The following POU2F1 variants were observed in gnomAD, a reference collection of about 807,000 sequenced individuals.
POU2F1 encodes the protein POU class 2 homeobox 1.
A neutral mutation model predicts 84.9 loss-of-function variants in POU2F1; 16 were observed. The ratio of observed to expected loss-of-function variants is 0.19; its 90% CI spans 0.13 to 0.29. POU2F1 has a LOEUF of 0.29. POU2F1 is among the 10% of genes least tolerant of loss of function. POU2F1 has a pLI of 1.00. For synonymous variants in POU2F1, 368 were observed against 368.3 expected, an observed-to-expected ratio of 1.00 and a Z score of 0.01; for missense variants, 738 against 942.6, an observed-to-expected ratio of 0.78 and a Z score of 2.84.
intron 1 of POU2F1, among the ~76,000 whole-genome samples, chr1:167,254,242 G>C (rs1037600558): frequency 1.3e-5 from 2 of 152,080 alleles, no homozygotes; most frequent in African/African-American, 4.8e-5. Context: ...GGTTATGATG[G>C]AATACATATA....
At position 167,418,520 on chromosome 1, in the gene POU2F1, G is replaced by A. The variant is rs916124654; in HGVS notation, c.*2710G>A. 1.3e-4 allele frequency: 20 copies of A among 152,160 alleles called. No individual in the cohort carries two copies. The highest frequency in any genetic ancestry group is 4.8e-4 in the African/African-American group (20 of 41,428). 9.4% of individuals were successfully genotyped at this position (152,160 alleles called of 1,614,324 possible). A position where few individuals can be genotyped will look rare whatever the true frequency, so the allele number is the denominator to read the frequency against. ...AACTTAGAAGGAAGGATTCAGGGAG[G>A]GAAATGCTGGTACCCAGTATACTGG... On this transcript the variant is annotated 3_prime_UTR_variant, in exon 16 of 16. Transcript: ENST00000367866.
At chr1:167,336,854 C>A (rs1264781087) in intron 2 of POU2F1, among the ~76,000 whole-genome samples, 1 of 151,900 alleles carries the variant, frequency 6.6e-6, no homozygotes, top group African/African-American at 2.4e-5. Flanking sequence ...CATGGTGAAA[C>A]CCTGCCTCTA....
intron 13 of POU2F1, among the ~76,000 whole-genome samples, chr1:167,410,694 T>G (rs937692889): frequency 2.6e-5 from 4 of 151,948 alleles, no homozygotes. Flanking sequence ...TTTTGTATTT[T>G]TAATAGAGAC....
chr1:167,325,119 G>A (rs1656606390), intron 1 of POU2F1, among the ~76,000 whole-genome samples: 1 of 152,170 alleles, frequency 6.6e-6, no homozygotes, highest in Non-Finnish European at 1.5e-5. Flanking sequence ...TATTGATAAT[G>A]CTTGAGGTAC....
chr1:167,301,177 T>TTCTC (rs35418115), intron 1 of POU2F1, among the ~76,000 whole-genome samples: 1 of 150,348 alleles, frequency 6.7e-6, no homozygotes, highest in Non-Finnish European at 1.5e-5. Context: ...TTTATATTGG[T>TTCTC]TCTCTCTCTC....
At chr1:167,402,993 A>G (rs981693185) in intron 13 of POU2F1, among the ~76,000 whole-genome samples, 1 of 152,222 alleles carries the variant, frequency 6.6e-6, no homozygotes, top group Non-Finnish European at 1.5e-5. Context: ...TTCTTAAAAT[A>G]TGGGGAAAAT....
chr1:167,229,176 A>AT (rs1648870201), intron 1 of POU2F1, among the ~76,000 whole-genome samples: 79 of 150,330 alleles, frequency 5.3e-4, no homozygotes, highest in South Asian at 3.4e-3. Context: ...TTTTTTTTTA[A>AT]TTTTTTTTTG....
intron 1 of POU2F1, 88 bp from the exon 2 acceptor site, chr1:167,332,382 A>T: frequency 1.1e-6 from 1 of 904,096 alleles, no homozygotes; most frequent in Non-Finnish European, 1.8e-6. Flanking sequence ...ACATTAGTTA[A>T]CCCTTTTCTC....
At chr1:167,297,069 G>A (rs766158046) in intron 1 of POU2F1, among the ~76,000 whole-genome samples, 11 of 152,136 alleles carry the variant, frequency 7.2e-5, no homozygotes, top group Non-Finnish European at 1.3e-4. Context: ...ATTTAATATT[G>A]ATTTTGCACT....
chr1:167,324,918 C>G (rs1399822241), intron 1 of POU2F1, among the ~76,000 whole-genome samples: 1 of 152,048 alleles, frequency 6.6e-6, no homozygotes, highest in African/African-American at 2.4e-5. Context: ...CATAATGCAA[C>G]CTTAGAGGGT....
chr1:167,424,848 A>C lies in POU2F1; in HGVS notation c.*9038A>C, dbSNP rs1650854121. 1 of 152,130 alleles carries C rather than the reference A, an allele frequency of 6.6e-6. No homozygotes were observed. Among genetic ancestry groups the C allele is most frequent in the African/African-American group, 2.4e-5 (1 of 41,408 alleles). 9.4% of individuals were successfully genotyped at this position (152,130 alleles called of 1,614,324 possible). The stretch of plus-strand genomic sequence containing the variant: ...CCCTGTGTTTCTGACAGCTGGCCAC[A>C]CGTCAACTTCTGTACTTGCCTTTTC... On this transcript the variant is annotated 3_prime_UTR_variant, in exon 16 of 16. Coordinates refer to ENST00000367866, the MANE Select transcript of POU2F1 (RefSeq NM_002697.4).
rs1209822036 is a variant in POU2F1 at position 167,420,833 on chromosome 1, G to C, written c.*5023G>C. ...AAGACCAGTCTGCAGTTTGAGGAAG[G>C]GCCCCAACAATTCATTTGGAGAGCT... On this transcript the variant is annotated 3_prime_UTR_variant, in exon 16 of 16. Coordinates refer to ENST00000367866, the MANE Select transcript of POU2F1 (RefSeq NM_002697.4). The C allele has an allele frequency of 6.6e-6, 1 of 152,120 alleles. No homozygotes were observed. The highest frequency in any genetic ancestry group is 6.5e-5 in the Admixed American group (1 of 15,274). 9.4% of individuals were successfully genotyped at this position (152,120 alleles called of 1,614,324 possible).
At chr1:167,339,423 T>C (rs1657688329) in intron 2 of POU2F1, among the ~76,000 whole-genome samples, 1 of 152,182 alleles carries the variant, frequency 6.6e-6, no homozygotes, top group African/African-American at 2.4e-5. Context: ...CTATTTTAGA[T>C]GATAGTTGGA....
At chr1:167,399,101 T>A in intron 11 of POU2F1, 85 bp from the exon 12 acceptor site, 1 of 1,362,954 alleles carries the variant, frequency 7.3e-7, no homozygotes, top group Non-Finnish European at 9.9e-7. Flanking sequence ...CCCAGCTTCA[T>A]TTTCTAACCT....
At chr1:167,253,845 G>A (rs1340592990) in intron 1 of POU2F1, among the ~76,000 whole-genome samples, 1 of 152,164 alleles carries the variant, frequency 6.6e-6, no homozygotes, top group Non-Finnish European at 1.5e-5. Context: ...AATGTTGGCT[G>A]AGGGAAAGTT....
intron 1 of POU2F1, among the ~76,000 whole-genome samples, chr1:167,306,497 C>G (rs1262527300): frequency 6.6e-6 from 1 of 151,974 alleles, no homozygotes; most frequent in Non-Finnish European, 1.5e-5. Context: ...TGATTACTTT[C>G]AAAATAACAT....
At chr1:167,384,432 A>C (rs1321201981) in intron 8 of POU2F1, among the ~76,000 whole-genome samples, 2 of 152,300 alleles carry the variant, frequency 1.3e-5, no homozygotes, top group East Asian at 3.9e-4. Flanking sequence ...AGACATATAA[A>C]GGTTTAAATT....
intron 13 of POU2F1, among the ~76,000 whole-genome samples, chr1:167,405,528 A>G (rs77635441): frequency 6.6e-6 from 1 of 152,118 alleles, no homozygotes; most frequent in African/African-American, 2.4e-5. Context: ...AAAAAAAAAA[A>G]ATGAGCAAAA....
At chr1:167,396,238 A>T in intron 9 of POU2F1, 48 bp from the exon 10 acceptor site, 6 of 1,604,724 alleles carry the variant, frequency 3.7e-6, no homozygotes, top group Non-Finnish European at 5.1e-6. Flanking sequence ...CACTGGTGAG[A>T]TAACTCTGTC....
Sources: allele counts gnomAD v4.1 joint callset (sites outside exome capture counted in the v4.1 genomes callset), GRCh38; gene constraint gnomAD v4.1.1; transcripts MANE v1.5; gene names NCBI Gene and HGNC (gene_info 2026-07-23, HGNC 2026-07-21).